The following IQCH variants were observed in gnomAD, a reference collection of about 807,000 sequenced individuals.
IQCH encodes the protein IQ motif containing H.
A neutral mutation model predicts 117.0 loss-of-function variants in IQCH; 98 were observed. The ratio of observed to expected loss-of-function variants is 0.84; its 90% CI spans 0.71 to 0.99. The LOEUF (loss-of-function observed/expected upper bound fraction) is 0.99. Ranked by LOEUF, IQCH falls within the 50% of genes least tolerant of loss-of-function variation. The probability of loss-of-function intolerance (pLI) is 0.00; values close to 1 mark genes in which losing one functional copy is unlikely to be tolerated. For synonymous variants in IQCH, 412 were observed against 448.2 expected (o/e 0.92, Z 1.02); for missense variants, 1,102 against 1,243.8 (o/e 0.89, Z 1.72).
chr15:67,396,244 C>T (rs1414253974), intron 13 of IQCH, among the ~76,000 whole-genome samples: 1 of 152,120 alleles, frequency 6.6e-6, no homozygotes, highest in Non-Finnish European at 1.5e-5. Flanking sequence ...GTGAGCCTCC[C>T]CACTGGGTCA....
intron 3 of IQCH, among the ~76,000 whole-genome samples, chr15:67,268,920 T>A (rs569671340): frequency 7.1e-6 from 1 of 140,660 alleles, no homozygotes; most frequent in Non-Finnish European, 1.6e-5. Context: ...AAAACAAACT[T>A]TTAAAACAGA....
In IQCH at chr15:67,405,241, C is replaced by T. The variant is rs555367299; in HGVS notation, c.2097+4936C>T. On this transcript the variant is annotated intron_variant, in intron 14 of 20. Transcript: ENST00000335894. This position sits in a 1 kb window ranked among gnomAD's most constrained non-coding sequence, Gnocchi z 4.8. ...AAACTACATATAAATGATTATTGTT[C>T]ACTTGTTTTTATATTTATTTTTATA... 7.9e-5 allele frequency: 12 copies of T among 151,950 alleles called. No homozygotes were observed. The highest frequency in any genetic ancestry group is 6.5e-4 in the Admixed American group (10 of 15,272). 9.4% of individuals were successfully genotyped at this position (151,950 alleles called of 1,614,324 possible).
Position 67,337,177 on chromosome 15 carries a change from A to T in IQCH, c.508+82A>T. On this transcript the variant is annotated intron_variant, in intron 5 of 20. Transcript: ENST00000335894. ...GGTAGGATCGGAGGCCTGAATTTGG[A>T]CTCTGGCTCAGCCACTAATTCTCCT... 3 of 1,494,212 alleles carry T rather than the reference A, an allele frequency of 2.0e-6. No individual in the cohort carries two copies. The South Asian group carries it at 3.7e-5, about 18-fold the overall frequency. The allele number at this position is 1,494,212 out of a possible 1,614,324, so 92.6% of individuals were successfully genotyped here.
In IQCH at chr15:67,404,418, G is replaced by C. The variant is rs933661693; in HGVS notation, c.2097+4113G>C. The C allele has an allele frequency of 6.6e-6, 1 of 152,152 alleles. No individual in the cohort carries two copies. The highest frequency in any genetic ancestry group is 2.4e-5 in the African/African-American group (1 of 41,428). 9.4% of individuals were successfully genotyped at this position (152,152 alleles called of 1,614,324 possible). A position where few individuals can be genotyped will look rare whatever the true frequency, so the allele number is the denominator to read the frequency against. On this transcript the variant is annotated intron_variant, in intron 14 of 20. Coordinates refer to ENST00000335894, the MANE Select transcript of IQCH (RefSeq NM_001031715.3). The surrounding 1 kb of genome is among the most constrained non-coding windows in gnomAD (Gnocchi z 4.6). ...ACAGGAGCCATTGCAGGATGGCAGA[G>C]CTCGTTGTCCCGTCTAGAATTTAGT... is the stretch of plus-strand genomic sequence containing the variant.
chr15:67,254,871 G>T lies in IQCH; in HGVS notation c.-26G>T, dbSNP rs758655425. On this transcript the variant is annotated 5_prime_UTR_variant, in exon 1 of 21. Transcript: ENST00000335894. ...CCGTGCTTGGAAACCGCGCCTCCGC[G>T]GAGGTAGCCGTTCCCTGACCTAGCC... The T allele has an allele frequency of 3.7e-6, 6 of 1,611,414 alleles. No homozygotes were observed. The highest frequency in any genetic ancestry group is 5.1e-6 in the Non-Finnish European group (6 of 1,178,476).
rs982146303 is a variant in IQCH at position 67,340,863 on chromosome 15, A to T, written c.509-3200A>T. 1.1e-4 allele frequency among the ~76,000 whole-genome samples: 17 copies of T among 152,222 alleles called. 1 individual carries two copies. Among genetic ancestry groups the T allele is most frequent in the African/African-American group, 4.1e-4 (17 of 41,466 alleles). The stretch of plus-strand genomic sequence containing the variant: ...CTTCCTGAATTACAGATACAAAGAC[A>T]TACAGATAGAGTGTATATCCTCAAT... On this transcript the variant is annotated intron_variant, in intron 5 of 20. Transcript: ENST00000335894.
chr15:67,337,384 C>A (rs1199269627), intron 5 of IQCH, among the ~76,000 whole-genome samples: 1 of 152,094 alleles, frequency 6.6e-6, no homozygotes, highest in South Asian at 2.1e-4. Flanking sequence ...TATGTGATAG[C>A]ATTAGAATTT....
At chr15:67,277,206 T>C (rs1966159093) in intron 3 of IQCH, among the ~76,000 whole-genome samples, 1 of 152,258 alleles carries the variant, frequency 6.6e-6, no homozygotes, top group Non-Finnish European at 1.5e-5. Flanking sequence ...CCATCTTGTC[T>C]TGCATGTTGT....
intron 10 of IQCH, among the ~76,000 whole-genome samples, chr15:67,379,016 T>C (rs532899863): frequency 1.6e-4 from 25 of 152,186 alleles, no homozygotes; most frequent in Non-Finnish European, 3.4e-4. Context: ...ATAACAATAA[T>C]AAGCCCACTA....
intron 15 of IQCH, among the ~76,000 whole-genome samples, chr15:67,420,121 T>C (rs1316935608): frequency 6.6e-6 from 1 of 152,250 alleles, no homozygotes; most frequent in African/African-American, 2.4e-5. Context: ...AAGAAAAGCA[T>C]GTCTCAAACA....
chr15:67,428,305 T>C (rs569613530), intron 16 of IQCH, among the ~76,000 whole-genome samples: 1 of 151,726 alleles, frequency 6.6e-6, no homozygotes, highest in Non-Finnish European at 1.5e-5. Flanking sequence ...AAGAAAAAAA[T>C]ATATAAATGC....
At position 67,489,977 on chromosome 15, in the gene IQCH, C is replaced by A. The variant is rs201272011; in HGVS notation, c.2800-26C>A. 2.7e-5 allele frequency: 40 copies of A among 1,498,388 alleles called. No homozygotes were observed. The African/African-American group carries it at 4.7e-4, about 18-fold the overall frequency. 92.8% of individuals were successfully genotyped at this position (1,498,388 alleles called of 1,614,324 possible). On this transcript the variant is annotated intron_variant, in intron 18 of 20. Transcript: ENST00000335894. ...TTGTTTCTGAGATAATATACTATTTCTTTTCTCCCCATTCAAATTTTACAG... is the reference window on the plus strand; with the variant it reads ...TTGTTTCTGAGATAATATACTATTTATTTTCTCCCCATTCAAATTTTACAG...
chr15:67,345,054 A>T (rs1969327374), intron 6 of IQCH, among the ~76,000 whole-genome samples: 1 of 152,164 alleles, frequency 6.6e-6, no homozygotes, highest in Non-Finnish European at 1.5e-5. Context: ...CAATGGCGCA[A>T]TCTTGGCTCA....
intron 12 of IQCH, among the ~76,000 whole-genome samples, chr15:67,389,672 CCAACAGTT>C (rs1368848248): frequency 6.6e-6 from 1 of 152,124 alleles, no homozygotes; most frequent in Non-Finnish European, 1.5e-5. Context: ...TGTTAACCAG[CCAACAGTT>C]TAATACCTAA....
At chr15:67,446,497 C>T (rs1022489371) in intron 16 of IQCH, among the ~76,000 whole-genome samples, 4 of 152,134 alleles carry the variant, frequency 2.6e-5, no homozygotes, top group African/African-American at 9.7e-5. Flanking sequence ...AGAAAATGAA[C>T]CCAGGGACAA....
In IQCH at chr15:67,316,446, ATT is replaced by A. The variant is rs1269649002; in HGVS notation, c.388-20527_388-20526del. ...TATGGAATTAGCATTTAATCTAAAC[ATT>A]TACATCCCAGGGAAAGTACCTATCA... On this transcript the variant is annotated intron_variant, in intron 4 of 20. Coordinates refer to ENST00000335894, the MANE Select transcript of IQCH (RefSeq NM_001031715.3). 2.6e-5 allele frequency among the ~76,000 whole-genome samples: 4 copies of A among 152,306 alleles called. No individual in the cohort carries two copies. In the East Asian group the frequency reaches 7.7e-4, roughly 29 times the overall value.
At chr15:67,379,941 C>T (rs530932688) in intron 10 of IQCH, among the ~76,000 whole-genome samples, 1 of 152,296 alleles carries the variant, frequency 6.6e-6, no homozygotes, top group Non-Finnish European at 1.5e-5. Flanking sequence ...CAACCTCCGC[C>T]TCCTGGGTTC....
At chr15:67,259,067 T>C (rs1965350332) in intron 1 of IQCH, among the ~76,000 whole-genome samples, 1 of 152,070 alleles carries the variant, frequency 6.6e-6, no homozygotes, top group South Asian at 2.1e-4. Context: ...TACAGGGTAT[T>C]ACTTATAGTG....
At position 67,425,794 on chromosome 15, in the gene IQCH, T is replaced by G. The variant is rs2081874233; in HGVS notation, c.2505+4217T>G. Among the ~76,000 whole-genome samples, 1 of 152,202 alleles carries G rather than the reference T, an allele frequency of 6.6e-6. No individual in the cohort carries two copies. Among genetic ancestry groups the G allele is most frequent in the African/African-American group, 2.4e-5 (1 of 41,450 alleles). ...TTTTGTATTTCTGTGGAAAATTTTC[T>G]GGTAAAATTTTGTGTAGAAATTTCT... On this transcript the variant is annotated intron_variant, in intron 16 of 20. Coordinates refer to ENST00000335894, the MANE Select transcript of IQCH (RefSeq NM_001031715.3). The surrounding 1 kb of genome is among the most constrained non-coding windows in gnomAD (Gnocchi z 5.5).
Sources: allele counts gnomAD v4.1 joint callset (sites outside exome capture counted in the v4.1 genomes callset), GRCh38; gene constraint gnomAD v4.1.1; non-coding constraint Gnocchi (gnomAD v3.1); transcripts MANE v1.5; gene names NCBI Gene and HGNC (gene_info 2026-07-23, HGNC 2026-07-21).